The following GALNTL6 variants were observed in gnomAD, a reference collection of about 807,000 sequenced individuals.
GALNTL6 encodes the protein polypeptide N-acetylgalactosaminyltransferase-like 6.
A neutral mutation model predicts 73.7 loss-of-function variants in GALNTL6; 46 were observed. The observed-to-expected ratio is 0.62, with a 90% CI of 0.49 to 0.80. The LOEUF (loss-of-function observed/expected upper bound fraction) is 0.80. GALNTL6 is among the 30% of genes least tolerant of loss of function. The pLI, the probability that GALNTL6 is intolerant of heterozygous loss-of-function variation, is 0.00. For missense variants in GALNTL6, 604 were observed against 755.0 expected (o/e 0.80, Z 2.34); for synonymous variants, 259 against 263.7 (o/e 0.98, Z 0.17).
At chr4:172,658,695 A>G (rs1731214829) in intron 5 of GALNTL6, among the ~76,000 whole-genome samples, 1 of 152,124 alleles carries the variant, frequency 6.6e-6, no homozygotes, top group Non-Finnish European at 1.5e-5. Context: ...GTCTAAAAAG[A>G]TGAGGTGGCC....
intron 2 of GALNTL6, among the ~76,000 whole-genome samples, chr4:172,162,897 T>C (rs1053558167): frequency 6.6e-6 from 1 of 152,082 alleles, no homozygotes; most frequent in Non-Finnish European, 1.5e-5. Context: ...GACAAAACTC[T>C]ATATCCAGGA....
chr4:172,157,827 T>C (rs1258776192), intron 2 of GALNTL6, among the ~76,000 whole-genome samples: 2 of 152,006 alleles, frequency 1.3e-5, no homozygotes, highest in Non-Finnish European at 2.9e-5. Flanking sequence ...TAAATGTTTT[T>C]TATGATTAGA....
chr4:172,915,451 A>G (rs190776820), intron 8 of GALNTL6, among the ~76,000 whole-genome samples: 1 of 152,202 alleles, frequency 6.6e-6, no homozygotes, highest in Non-Finnish European at 1.5e-5. Context: ...AATTCAATGA[A>G]TCCAGCAGCT....
chr4:172,181,357 A>G (rs185009794), intron 2 of GALNTL6, among the ~76,000 whole-genome samples: 3 of 152,358 alleles, frequency 2.0e-5, no homozygotes, highest in Admixed American at 1.3e-4. Flanking sequence ...AACAGAACCA[A>G]TGAAAAAGTC....
At chr4:172,874,256 G>A (rs1431209187) in intron 7 of GALNTL6, among the ~76,000 whole-genome samples, 5 of 152,198 alleles carry the variant, frequency 3.3e-5, no homozygotes, top group Admixed American at 3.3e-4. Context: ...GGAGAGATAA[G>A]AGCCTGGACT....
intron 5 of GALNTL6, among the ~76,000 whole-genome samples, chr4:172,583,318 G>A (rs1302541042): frequency 6.6e-6 from 1 of 152,102 alleles, no homozygotes; most frequent in East Asian, 1.9e-4. Flanking sequence ...CTGATTCTTA[G>A]TAATACTGTA....
chr4:172,875,178 A>T (rs1227745863), intron 7 of GALNTL6, among the ~76,000 whole-genome samples: 1 of 152,238 alleles, frequency 6.6e-6, no homozygotes, highest in African/African-American at 2.4e-5. Context: ...GACCCTTGTC[A>T]TCTGGCTATT....
At chr4:171,984,587 G>GAA (rs1468282495) in intron 2 of GALNTL6, among the ~76,000 whole-genome samples, 1 of 152,116 alleles carries the variant, frequency 6.6e-6, no homozygotes, top group African/African-American at 2.4e-5. Context: ...GCCCGCTCTG[G>GAA]AGTTTCTAAG....
At chr4:172,172,531 A>T (rs1013485721) in intron 2 of GALNTL6, among the ~76,000 whole-genome samples, 1 of 152,120 alleles carries the variant, frequency 6.6e-6, no homozygotes, top group African/African-American at 2.4e-5. Context: ...ATTAGGACAC[A>T]CACACACACA....
intron 5 of GALNTL6, among the ~76,000 whole-genome samples, chr4:172,390,093 T>C (rs1200739648): frequency 6.6e-6 from 1 of 152,194 alleles, no homozygotes; most frequent in Admixed American, 6.5e-5. Flanking sequence ...AATTTTTTTC[T>C]TATTATTTAA....
chr4:172,880,202 C>T (rs114774433), intron 7 of GALNTL6, among the ~76,000 whole-genome samples: 1 of 152,146 alleles, frequency 6.6e-6, no homozygotes, highest in African/African-American at 2.4e-5. Flanking sequence ...GATTAGTACA[C>T]AAAGTTTATG....
At chr4:172,658,162 A>AAAAAAAAAAG (rs1184427799) in intron 5 of GALNTL6, among the ~76,000 whole-genome samples, 7 of 124,402 alleles carry the variant, frequency 5.6e-5, no homozygotes, top group African/African-American at 2.1e-4. Context: ...AAAAAAAAAA[A>AAAAAAAAAAG]AAAAAAAGAA....
At chr4:172,906,802 T>G (rs1221398814) in intron 8 of GALNTL6, among the ~76,000 whole-genome samples, 1 of 152,218 alleles carries the variant, frequency 6.6e-6, no homozygotes, top group Non-Finnish European at 1.5e-5. Flanking sequence ...CAGGAGAATT[T>G]CTCTCACATT....
At chr4:172,491,884 G>A (rs1045779127) in intron 5 of GALNTL6, among the ~76,000 whole-genome samples, 23 of 152,290 alleles carry the variant, frequency 1.5e-4, no homozygotes, top group Middle Eastern at 3.4e-3. Context: ...GAAATTGAAA[G>A]ATGAATATCT....
chr4:172,152,503 A>G (rs1347172381), intron 2 of GALNTL6, among the ~76,000 whole-genome samples: 1 of 152,246 alleles, frequency 6.6e-6, no homozygotes, highest in Non-Finnish European at 1.5e-5. Context: ...GCATTCATGA[A>G]TGAGAAGCCA....
intron 12 of GALNTL6, among the ~76,000 whole-genome samples, chr4:173,031,370 A>G (rs1021503260): frequency 7.9e-5 from 12 of 152,232 alleles, no homozygotes; most frequent in African/African-American, 2.4e-4. Flanking sequence ...CTAACTAGTC[A>G]TATTTCTACA....
intron 2 of GALNTL6, among the ~76,000 whole-genome samples, chr4:171,929,731 G>A (rs928882265): frequency 1.3e-5 from 2 of 152,102 alleles, no homozygotes; most frequent in South Asian, 2.1e-4. Context: ...GCATTCACAC[G>A]CACCCACCCC....
chr4:172,141,136 C>G (rs374776431), intron 2 of GALNTL6, among the ~76,000 whole-genome samples: 2 of 151,976 alleles, frequency 1.3e-5, no homozygotes, highest in East Asian at 3.9e-4. Context: ...TGATGCCTTA[C>G]AGCTGAGACA....
At chr4:172,449,375 C>T (rs1161587239) in intron 5 of GALNTL6, among the ~76,000 whole-genome samples, 1 of 152,176 alleles carries the variant, frequency 6.6e-6, no homozygotes, top group Non-Finnish European at 1.5e-5. Flanking sequence ...AAAGAAAATT[C>T]CCAGAGTTGT....
Sources: gnomAD v4.1 joint callset for allele counts (sites outside exome capture counted in the v4.1 genomes callset) on GRCh38, gnomAD v4.1.1 for gene constraint, MANE v1.5 for transcripts, NCBI Gene and HGNC (gene_info 2026-07-23, HGNC 2026-07-21) for gene names.